Variants in EBF1 observed in about 807,000 individuals in gnomAD.
EBF1 encodes the protein EBF transcription factor 1.
In EBF1, 10 loss-of-function variants were observed where a neutral mutation model predicts 68.4. The ratio of observed to expected loss-of-function variants is 0.15; its 90% CI spans 0.09 to 0.25. The LOEUF (loss-of-function observed/expected upper bound fraction) is 0.25. Among genes scored for constraint, EBF1 ranks in the 10% least tolerant of loss-of-function variants. EBF1 has a pLI of 1.00. For missense variants in EBF1, 509 were observed against 794.4 expected (o/e 0.64, Z 4.32); for synonymous variants, 298 against 299.8 (o/e 0.99, Z 0.06).
chr5:158,771,240 C>T (rs1464171557), intron 10 of EBF1, among the ~76,000 whole-genome samples: 1 of 152,082 alleles, frequency 6.6e-6, no homozygotes, highest in Non-Finnish European at 1.5e-5. Context: ...TTTTGGGGAG[C>T]ACTCATACTG....
chr5:159,043,429 C>G (rs889255086), intron 6 of EBF1, among the ~76,000 whole-genome samples: 1 of 152,116 alleles, frequency 6.6e-6, no homozygotes, highest in African/African-American at 2.4e-5. Flanking sequence ...TTATGTGATT[C>G]TTTGAATGAC....
intron 6 of EBF1, among the ~76,000 whole-genome samples, chr5:158,962,252 C>A (rs956951714): frequency 2.0e-5 from 3 of 152,114 alleles, no homozygotes; most frequent in Admixed American, 6.5e-5. Flanking sequence ...TCTTGCTTAC[C>A]TTCCTGTAGG....
chr5:159,002,288 C>T (rs1436080165), intron 6 of EBF1, among the ~76,000 whole-genome samples: 1 of 152,056 alleles, frequency 6.6e-6, no homozygotes, highest in Non-Finnish European at 1.5e-5. Flanking sequence ...AAGCTCTTTC[C>T]ACTGGCTGCC....
chr5:159,077,755 T>TC (rs1334780591), intron 5 of EBF1, among the ~76,000 whole-genome samples: 12 of 144,378 alleles, frequency 8.3e-5, no homozygotes, highest in African/African-American at 2.3e-4. Flanking sequence ...CTTTTTTTTT[T>TC]TTTTTTTTTT....
At chr5:159,069,442 T>C (rs139941661) in intron 6 of EBF1, among the ~76,000 whole-genome samples, 4 of 152,242 alleles carry the variant, frequency 2.6e-5, no homozygotes, top group Admixed American at 2.6e-4. Flanking sequence ...GCCTCCAGCA[T>C]ACTTTGGAGA....
At chr5:158,989,994 A>G (rs1043471563) in intron 6 of EBF1, among the ~76,000 whole-genome samples, 9 of 152,214 alleles carry the variant, frequency 5.9e-5, no homozygotes, top group South Asian at 2.1e-4. Context: ...GTGTTATGAG[A>G]CATGCAAACA....
intron 6 of EBF1, among the ~76,000 whole-genome samples, chr5:158,928,779 A>G (rs895686970): frequency 6.6e-6 from 1 of 152,228 alleles, no homozygotes; most frequent in Non-Finnish European, 1.5e-5. Context: ...TTTTATTTGA[A>G]ACAAGGTAAA....
intron 6 of EBF1, among the ~76,000 whole-genome samples, chr5:158,848,146 T>A (rs1356249083): frequency 6.6e-6 from 1 of 152,212 alleles, no homozygotes. Context: ...ACTTCTTTTC[T>A]CATTTTACAG....
At chr5:158,893,191 T>G (rs537513676) in intron 6 of EBF1, among the ~76,000 whole-genome samples, 1 of 152,364 alleles carries the variant, frequency 6.6e-6, no homozygotes, top group South Asian at 2.1e-4. Flanking sequence ...AATGGCTTGC[T>G]CAACCATCAG....
chr5:158,894,303 G>T (rs1324388117), intron 6 of EBF1, among the ~76,000 whole-genome samples: 1 of 151,832 alleles, frequency 6.6e-6, no homozygotes, highest in African/African-American at 2.4e-5. Context: ...CTTTTTTCAA[G>T]CTTGAGTTAG....
intron 10 of EBF1, among the ~76,000 whole-genome samples, chr5:158,738,450 T>A (rs1301888600): frequency 6.6e-6 from 1 of 152,236 alleles, no homozygotes; most frequent in Non-Finnish European, 1.5e-5. Context: ...ATTTTTAAGA[T>A]TTTGCATCTT....
At chr5:159,084,140 G>A (rs1273618710) in intron 5 of EBF1, among the ~76,000 whole-genome samples, 1 of 151,746 alleles carries the variant, frequency 6.6e-6, no homozygotes, top group African/African-American at 2.4e-5. Flanking sequence ...TTATATATAG[G>A]GTAAATAAGA....
intron 15 of EBF1, among the ~76,000 whole-genome samples, chr5:158,703,558 G>A (rs1757205752): frequency 6.9e-6 from 1 of 145,514 alleles, no homozygotes; most frequent in South Asian, 2.1e-4. Flanking sequence ...TTTTTAACAG[G>A]ACATTTTGTG....
At chr5:158,896,472 G>A (rs1339937431) in intron 6 of EBF1, among the ~76,000 whole-genome samples, 1 of 152,112 alleles carries the variant, frequency 6.6e-6, no homozygotes, top group Admixed American at 6.6e-5. Flanking sequence ...CATGCTGACT[G>A]TTTTTCATAA....
At chr5:158,803,152 A>G (rs1394093784) in intron 8 of EBF1, among the ~76,000 whole-genome samples, 1 of 152,130 alleles carries the variant, frequency 6.6e-6, no homozygotes, top group Admixed American at 6.6e-5. Context: ...CAGAAAACAT[A>G]AAACCCATGA....
At chr5:159,082,458 C>A (rs1482381092) in intron 5 of EBF1, among the ~76,000 whole-genome samples, 1 of 152,184 alleles carries the variant, frequency 6.6e-6, no homozygotes, top group Non-Finnish European at 1.5e-5. Flanking sequence ...AATTAGCCAG[C>A]CTGATTAATG....
At chr5:158,913,827 C>G (rs981552679) in intron 6 of EBF1, among the ~76,000 whole-genome samples, 3 of 152,194 alleles carry the variant, frequency 2.0e-5, no homozygotes, top group Non-Finnish European at 4.4e-5. Flanking sequence ...AATAAATATG[C>G]TCCGCAAATA....
intron 10 of EBF1, among the ~76,000 whole-genome samples, chr5:158,755,468 G>A (rs1769871427): frequency 6.6e-6 from 1 of 152,062 alleles, no homozygotes; most frequent in Non-Finnish European, 1.5e-5. Flanking sequence ...TTTTATCTTA[G>A]TGCTTTGTAC....
intron 6 of EBF1, among the ~76,000 whole-genome samples, chr5:159,025,987 C>T (rs987229921): frequency 2.0e-5 from 3 of 152,090 alleles, no homozygotes; most frequent in Admixed American, 2.0e-4. Context: ...AATACAACAG[C>T]GAAACAAAAC....
Sources: gnomAD v4.1 joint callset for allele counts (sites outside exome capture counted in the v4.1 genomes callset) on GRCh38, gnomAD v4.1.1 for gene constraint, MANE v1.5 for transcripts, NCBI Gene and HGNC (gene_info 2026-07-23, HGNC 2026-07-21) for gene names.